Variants in SAMD4A observed in about 807,000 individuals in gnomAD.
SAMD4A encodes the protein sterile alpha motif domain containing 4A.
In SAMD4A, 33 loss-of-function variants were observed where a neutral mutation model predicts 81.3. The ratio of observed to expected loss-of-function variants is 0.41; its 90% CI spans 0.31 to 0.54. The LOEUF (loss-of-function observed/expected upper bound fraction) is 0.54. SAMD4A is among the 20% of genes least tolerant of loss of function. SAMD4A has a pLI of 0.37. For missense variants in SAMD4A, 854 were observed against 951.1 expected, an observed-to-expected ratio of 0.90 and a Z score of 1.34; for synonymous variants, 389 against 382.1, an observed-to-expected ratio of 1.02 and a Z score of -0.21.
Position 54,697,361 on chromosome 14 carries a change from G to A in SAMD4A, c.197-4701G>A, listed in dbSNP as rs1594826194. Among the ~76,000 whole-genome samples, 3 of 152,168 alleles carry A rather than the reference G, an allele frequency of 2.0e-5. 1 individual carries two copies. Among genetic ancestry groups the A allele is most frequent in the Admixed American group, 1.3e-4 (2 of 15,266 alleles). ...ATAATCAGCACACATTGTCCTTGTC[G>A]GCAGGCCTCCACAGGAAGCCAAATC... On this transcript the variant is annotated intron_variant, in intron 2 of 12. Coordinates refer to ENST00000554335, the MANE Select transcript of SAMD4A (RefSeq NM_015589.6).
chr14:54,692,602 C>T (rs1238393520), intron 2 of SAMD4A, among the ~76,000 whole-genome samples: 34 of 152,068 alleles, frequency 2.2e-4, no homozygotes. Context: ...TTTTAAGGTA[C>T]TATTGGAGTG....
chr14:54,733,758 T>TG (rs1304198134), intron 3 of SAMD4A, among the ~76,000 whole-genome samples: 1 of 152,046 alleles, frequency 6.6e-6, no homozygotes, highest in East Asian at 1.9e-4. Context: ...AGAGACATGC[T>TG]GGGGCAGCTA....
intron 2 of SAMD4A, among the ~76,000 whole-genome samples, chr14:54,678,951 C>T (rs956055623): frequency 4.6e-5 from 7 of 152,314 alleles, no homozygotes; most frequent in African/African-American, 1.7e-4. Context: ...ATTCAAATGC[C>T]ATTCCTCTTT....
At chr14:54,566,846 G>C (rs1357060777), upstream of SAMD4A, among the ~76,000 whole-genome samples, 2 of 152,102 alleles carry the variant, frequency 1.3e-5, no homozygotes, top group South Asian at 2.1e-4. Flanking sequence ...GCGCGGCGCG[G>C]GGGAGCCGGG....
chr14:54,617,159 T>G (rs1252692384), intron 2 of SAMD4A, among the ~76,000 whole-genome samples: 1 of 152,162 alleles, frequency 6.6e-6, no homozygotes, highest in Non-Finnish European at 1.5e-5. Context: ...TACAATTCTA[T>G]GAGAATAAAG....
At chr14:54,765,805 C>T (rs1010457479) in intron 8 of SAMD4A, among the ~76,000 whole-genome samples, 10 of 152,062 alleles carry the variant, frequency 6.6e-5, no homozygotes, top group African/African-American at 1.9e-4. Context: ...CCTGTGCTAT[C>T]GAAGTTCTCA....
intron 6 of SAMD4A, among the ~76,000 whole-genome samples, chr14:54,757,817 C>A (rs2038286740): frequency 1.3e-5 from 2 of 152,156 alleles, no homozygotes; most frequent in African/African-American, 4.8e-5. Flanking sequence ...GGGCCGTTGG[C>A]AGGACCTCAA....
Position 54,775,038 on chromosome 14 carries a change from C to T in SAMD4A, c.1820C>T (p.Pro607Leu). Reference sequence around the variant, plus strand: ...TACCAGATCCCCTCTCGGAACGTCCCTTCCGCCCGCCTGGGCCTCTTGGGC... The same window carrying T: ...TACCAGATCCCCTCTCGGAACGTCCTTTCCGCCCGCCTGGGCCTCTTGGGC... The part of the protein sequence containing the change: ...RQYQIPSRNV[P>L]SARLGLLGTS... The change falls in exon 10 of 13, where the codon CCT (proline) becomes CTT (leucine). Residue 607 changes from proline (P) to leucine (L), a missense_variant. Transcript: ENST00000554335. The T allele has an allele frequency of 6.2e-7, 1 of 1,614,214 alleles. No individual in the cohort carries two copies. The highest frequency in any genetic ancestry group is 8.5e-7 in the Non-Finnish European group (1 of 1,180,046).
chr14:54,611,401 C>T (rs1041970661), intron 2 of SAMD4A, among the ~76,000 whole-genome samples: 2 of 152,332 alleles, frequency 1.3e-5, no homozygotes, highest in East Asian at 3.9e-4. Flanking sequence ...TGGGCAGCTC[C>T]AGATCCCAGC....
chr14:54,730,943 C>T (rs1381841937), intron 3 of SAMD4A, among the ~76,000 whole-genome samples: 8 of 152,212 alleles, frequency 5.3e-5, no homozygotes, highest in Admixed American at 3.9e-4. Flanking sequence ...CATTTCACCA[C>T]TGAGCCTTGC....
chr14:54,691,174 C>T (rs7145140), intron 2 of SAMD4A, among the ~76,000 whole-genome samples: 56,547 of 151,978 alleles, frequency 0.37, 11,702 homozygotes, highest in Non-Finnish European at 0.46. Context: ...CTTTCCCTGC[C>T]TGAGCCCTCT....
intron 3 of SAMD4A, among the ~76,000 whole-genome samples, chr14:54,727,207 T>G (rs1202135866): frequency 8.3e-6 from 1 of 120,052 alleles, no homozygotes; most frequent in African/African-American, 3.5e-5. Flanking sequence ...TTTTTTTTTT[T>G]GAGGTGGAGT....
intron 2 of SAMD4A, among the ~76,000 whole-genome samples, chr14:54,568,690 CATAT>C (rs59190435): frequency 0.039 from 1,219 of 31,436 alleles, 37 homozygotes; most frequent in Admixed American, 0.058. Context: ...ACATTTGCAG[CATAT>C]ATATATATAT....
intron 9 of SAMD4A, among the ~76,000 whole-genome samples, chr14:54,774,470 G>A (rs897755110): frequency 1.3e-5 from 2 of 152,138 alleles, no homozygotes; most frequent in Non-Finnish European, 2.9e-5. Flanking sequence ...TTGAGAGGCC[G>A]AGGCAGGAGG....
intron 4 of SAMD4A, among the ~76,000 whole-genome samples, chr14:54,739,386 G>A (rs2037789661): frequency 6.6e-6 from 1 of 152,046 alleles, no homozygotes; most frequent in South Asian, 2.1e-4. Context: ...TAGGCCCAAG[G>A]GGTGCAGCCA....
At chr14:54,634,703 C>CTCTA (rs749136366) in intron 2 of SAMD4A, among the ~76,000 whole-genome samples, 69 of 147,586 alleles carry the variant, frequency 4.7e-4, no homozygotes, top group African/African-American at 1.0e-3. Context: ...GTTGGGGACC[C>CTCTA]TCTATCTATC....
chr14:54,737,150 C>T lies in SAMD4A; in HGVS notation c.842C>T (p.Pro281Leu), dbSNP rs200951913. The T allele has an allele frequency of 8.1e-6, 13 of 1,614,034 alleles. No homozygotes were observed. The Admixed American group carries it at 1.3e-4, about 17-fold the overall frequency. Reference protein sequence around the residue: ...MSHEDLRARGPQCLPSDHAPL... With the variant: ...MSHEDLRARGLQCLPSDHAPL... ...CATGAGGACTTACGAGCTAGAGGACCCCAGTGCCTCCCATCCGATCATGCC... is the reference window on the plus strand; with the variant it reads ...CATGAGGACTTACGAGCTAGAGGACTCCAGTGCCTCCCATCCGATCATGCC... The change falls in exon 4 of 13, where the codon CCC becomes CTC. Residue 281 changes from proline (P) to leucine (L), a missense_variant. Physicochemically the swap from Pro to Leu is moderately conservative, Grantham distance 98. Coordinates refer to ENST00000554335, the MANE Select transcript of SAMD4A (RefSeq NM_015589.6).
chr14:54,771,835 G>C (rs1594925175), intron 9 of SAMD4A, among the ~76,000 whole-genome samples: 1 of 152,344 alleles, frequency 6.6e-6, no homozygotes, highest in East Asian at 1.9e-4. Flanking sequence ...CCTGGCCTCT[G>C]TCAGCCCTGT....
At position 54,756,270 on chromosome 14, in the gene SAMD4A, C is replaced by T. The variant is rs545026875; in HGVS notation, c.1177-3891C>T. Among the ~76,000 whole-genome samples, 6 of 152,210 alleles carry T rather than the reference C, an allele frequency of 3.9e-5. No homozygotes were observed. In the East Asian group the frequency reaches 9.6e-4, roughly 24 times the overall value. On this transcript the variant is annotated intron_variant, in intron 6 of 12. Transcript: ENST00000554335. ...ATCCTGATTTTAAGAAAAAGAAACTCGAGTGAGTCCAAACTCCTTAGAAAG... is the reference window on the plus strand; with the variant it reads ...ATCCTGATTTTAAGAAAAAGAAACTTGAGTGAGTCCAAACTCCTTAGAAAG...
Sources: allele counts gnomAD v4.1 joint callset (sites outside exome capture counted in the v4.1 genomes callset), GRCh38; gene constraint gnomAD v4.1.1; transcripts MANE v1.5; gene names NCBI Gene and HGNC (gene_info 2026-07-23, HGNC 2026-07-21).